The following NTM variants were observed in gnomAD, a reference collection of about 807,000 sequenced individuals.
The protein encoded by NTM is IgLON family member 2.
NTM carries 13 observed loss-of-function variants against 42.1 expected under a neutral mutation model. The observed-to-expected ratio is 0.31, with a 90% CI of 0.20 to 0.49. The LOEUF (loss-of-function observed/expected upper bound fraction) is 0.49. Among genes scored for constraint, NTM ranks in the 20% least tolerant of loss-of-function variants. The probability of loss-of-function intolerance (pLI) is 0.99; values close to 1 mark genes in which losing one functional copy is unlikely to be tolerated. For synonymous variants in NTM, 187 were observed against 179.2 expected, an observed-to-expected ratio of 1.04 and a Z score of -0.35; for missense variants, 373 against 452.8, an observed-to-expected ratio of 0.82 and a Z score of 1.60.
At chr11:131,911,115 T>C (rs919788915) in intron 1 of NTM, 17 of 1,211,516 alleles carry the variant, frequency 1.4e-5, no homozygotes, top group South Asian at 1.9e-5. Context: ...CTTACTCCTC[T>C]CCAAAGTGCC....
At chr11:131,945,138 T>C (rs750360683) in intron 2 of NTM, among the ~76,000 whole-genome samples, 1 of 152,222 alleles carries the variant, frequency 6.6e-6, no homozygotes, top group African/African-American at 2.4e-5. Flanking sequence ...ATTTTCCTTA[T>C]AGGGCGATTC....
intron 1 of NTM, among the ~76,000 whole-genome samples, chr11:131,513,347 T>C (rs2048492565): frequency 6.6e-6 from 1 of 152,020 alleles, no homozygotes; most frequent in African/African-American, 2.4e-5. Flanking sequence ...TCTGCACCCA[T>C]CCTCTGGGGT....
At chr11:131,866,394 C>T (rs1343469134) in intron 1 of NTM, among the ~76,000 whole-genome samples, 1 of 152,286 alleles carries the variant, frequency 6.6e-6, no homozygotes, top group Non-Finnish European at 1.5e-5. Context: ...TTCTCAGTCC[C>T]AGCTCCTTGG....
At chr11:131,731,663 G>A (rs546877869) in intron 1 of NTM, among the ~76,000 whole-genome samples, 3 of 152,292 alleles carry the variant, frequency 2.0e-5, no homozygotes, top group South Asian at 4.1e-4. Context: ...AGTGGAAGCA[G>A]TCAGAGCAAA....
intron 1 of NTM, among the ~76,000 whole-genome samples, chr11:131,804,688 C>T (rs931687884): frequency 6.6e-6 from 1 of 152,140 alleles, no homozygotes; most frequent in Non-Finnish European, 1.5e-5. Context: ...CCTTGTACCC[C>T]CAGGCCGCAT....
rs1380878583 is a variant in NTM, at chr11:131,711,986, G to C, written c.83-199578G>C. ...ATCACACTCTGGGGACTGTGGTGGG[G>C]TGGGGGGAGGGGGGAGGGATAGCAT... On this transcript the variant is annotated intron_variant, in intron 1 of 8. Transcript: ENST00000683400. Among the ~76,000 whole-genome samples, 6 of 104,392 alleles carry C rather than the reference G, an allele frequency of 5.7e-5. No individual in the cohort carries two copies. The Admixed American group carries it at 7.4e-4, about 13-fold the overall frequency. The allele number at this position is 104,392 out of a possible 152,430, so 68.5% of individuals were successfully genotyped here.
At chr11:132,250,948 G>T (rs1286065813) in intron 4 of NTM, among the ~76,000 whole-genome samples, 2 of 151,902 alleles carry the variant, frequency 1.3e-5, no homozygotes, top group Admixed American at 1.3e-4. Flanking sequence ...GAGGCTCATT[G>T]TATTTTTTTA....
At chr11:132,094,867 C>A (rs2136455616) in intron 2 of NTM, among the ~76,000 whole-genome samples, 1 of 152,216 alleles carries the variant, frequency 6.6e-6, no homozygotes, top group South Asian at 2.1e-4. Context: ...CCTGCACGTT[C>A]TGCTCCAGCA....
At chr11:131,568,478 G>A (rs2057117440) in intron 1 of NTM, among the ~76,000 whole-genome samples, 1 of 152,196 alleles carries the variant, frequency 6.6e-6, no homozygotes, top group Non-Finnish European at 1.5e-5. Context: ...AAAGAAGAGT[G>A]AGAAATTCTC....
chr11:131,622,538 A>G (rs534801274), intron 1 of NTM, among the ~76,000 whole-genome samples: 1 of 152,308 alleles, frequency 6.6e-6, no homozygotes, highest in South Asian at 2.1e-4. Flanking sequence ...CTCTAAATTG[A>G]CCAGATTATT....
At chr11:131,455,523 T>C (rs542900720) in intron 1 of NTM, 1 of 152,172 alleles carries the variant, frequency 6.6e-6, no homozygotes, top group South Asian at 2.1e-4. Flanking sequence ...TCCACTGAGG[T>C]AGGGGGAGAG....
rs189924847 is a variant in NTM, at chr11:131,639,664, G to C, written c.82+268776G>C. Among the ~76,000 whole-genome samples the C allele has an allele frequency of 9.2e-5, 14 of 152,190 alleles. No homozygotes were observed. In the East Asian group the frequency reaches 2.7e-3, roughly 29 times the overall value. On this transcript the variant is annotated intron_variant, in intron 1 of 8. Transcript: ENST00000683400. ...GGAGAGGCTGGTAACCTTTCAAAAA[G>C]TGAGTGGCCCTGGCCCGGCGCGGTG...
intron 3 of NTM, among the ~76,000 whole-genome samples, chr11:132,158,295 T>C (rs973978824): frequency 3.3e-5 from 5 of 152,246 alleles, no homozygotes; most frequent in Non-Finnish European, 7.3e-5. Flanking sequence ...AAGCTCCCTC[T>C]GCTGGTGCCC....
At chr11:131,750,214 T>C (rs1226515087) in intron 1 of NTM, among the ~76,000 whole-genome samples, 2 of 152,244 alleles carry the variant, frequency 1.3e-5, no homozygotes, top group Non-Finnish European at 2.9e-5. Context: ...TTTTATTTTA[T>C]TCCTGAGATT....
intron 1 of NTM, among the ~76,000 whole-genome samples, chr11:131,714,686 T>C (rs2135337778): frequency 6.6e-6 from 1 of 152,336 alleles, no homozygotes; most frequent in East Asian, 1.9e-4. Flanking sequence ...GCTAAACACA[T>C]GCCACTATTT....
In NTM at chr11:131,834,172, C is replaced by T. The variant is rs189638736; in HGVS notation, c.83-77392C>T. ...TGTTTAATTCTCTGCCACGGTGCTA[C>T]TCAGAATAGGGAGGCTCAGGGCCCA... is the stretch of plus-strand genomic sequence containing the variant. On this transcript the variant is annotated intron_variant, in intron 1 of 8. Transcript: ENST00000683400. Among the ~76,000 whole-genome samples, 16 of 152,266 alleles carry T rather than the reference C, an allele frequency of 1.1e-4. No individual in the cohort carries two copies. In the East Asian group the frequency reaches 2.7e-3, roughly 26 times the overall value.
intron 2 of NTM, among the ~76,000 whole-genome samples, chr11:131,917,761 G>T (rs368823822): frequency 1.3e-5 from 2 of 152,214 alleles, no homozygotes; most frequent in Non-Finnish European, 2.9e-5. Context: ...ACCCGCCACT[G>T]GGCACTCACC....
At chr11:132,278,349 C>T (rs1267049753) in intron 4 of NTM, among the ~76,000 whole-genome samples, 4 of 152,144 alleles carry the variant, frequency 2.6e-5, no homozygotes, top group African/African-American at 9.7e-5. Flanking sequence ...GTTGGAAAGA[C>T]CTGAAGGCTA....
At chr11:131,862,419 T>C (rs2046738097) in intron 1 of NTM, among the ~76,000 whole-genome samples, 1 of 152,208 alleles carries the variant, frequency 6.6e-6, no homozygotes, top group Admixed American at 6.5e-5. Flanking sequence ...GGAGTCCATG[T>C]TTCAGGTGGA....
Sources: allele counts gnomAD v4.1 joint callset (sites outside exome capture counted in the v4.1 genomes callset), GRCh38; gene constraint gnomAD v4.1.1; transcripts MANE v1.5; gene names NCBI Gene and HGNC (gene_info 2026-07-23, HGNC 2026-07-21).